The following POLH variants were observed in gnomAD, a reference collection of about 807,000 sequenced individuals.
The protein encoded by POLH is DNA polymerase eta, also known as DNA polymerase eta transcript.
A neutral mutation model predicts 73.6 loss-of-function variants in POLH; 53 were observed. The ratio of observed to expected loss-of-function variants is 0.72; its 90% CI spans 0.58 to 0.91. The LOEUF (loss-of-function observed/expected upper bound fraction) is 0.91, where lower values mean the gene tolerates loss of function less well. Among genes scored for constraint, POLH ranks in the 40% least tolerant of loss-of-function variants. POLH has a pLI of 0.00. For synonymous variants in POLH, 292 were observed against 308.5 expected (o/e 0.95, Z 0.56); for missense variants, 768 against 865.4 (o/e 0.89, Z 1.41).
chr6:43,590,535 C>T (rs1765344050), intron 4 of POLH, among the ~76,000 whole-genome samples: 1 of 151,040 alleles, frequency 6.6e-6, no homozygotes, highest in South Asian at 2.1e-4. Context: ...AATCTCGGCT[C>T]ATTGTAACCT....
At position 43,616,284 on chromosome 6, in the gene POLH, A is replaced by G. The variant is rs1012343159; in HGVS notation, c.*1727A>G. ...GACAGAGCGAGACTCCGTCTCAAAAAAAAAAAAAAAAGAAAAACTTCTCTT... is the reference window on the plus strand; with the variant it reads ...GACAGAGCGAGACTCCGTCTCAAAAGAAAAAAAAAAAGAAAAACTTCTCTT... On this transcript the variant is annotated 3_prime_UTR_variant, in exon 11 of 11. Coordinates refer to ENST00000372236, the MANE Select transcript of POLH (RefSeq NM_006502.3). Among the ~76,000 whole-genome samples, 3 of 151,336 alleles carry G rather than the reference A, an allele frequency of 2.0e-5. No individual in the cohort carries two copies. The highest frequency in any genetic ancestry group is 7.3e-5 in the African/African-American group (3 of 41,250).
At chr6:43,585,113 C>A (rs1764658375) in intron 3 of POLH, among the ~76,000 whole-genome samples, 1 of 152,114 alleles carries the variant, frequency 6.6e-6, no homozygotes, top group Non-Finnish European at 1.5e-5. Context: ...GAGTCATGAT[C>A]AAACCACTGC....
At chr6:43,604,777 A>G (rs953450892) in intron 8 of POLH, 39 bp downstream of exon 8, 6 of 1,612,500 alleles carry the variant, frequency 3.7e-6, no homozygotes, top group East Asian at 4.5e-5. Flanking sequence ...CCTCTTTTAA[A>G]GGGGTCAGTG....
chr6:43,587,600 A>G, intron 4 of POLH, 111 bp downstream of exon 4: 2 of 791,414 alleles, frequency 2.5e-6, no homozygotes, highest in Non-Finnish European at 4.4e-6. Flanking sequence ...TACAGCCTGA[A>G]TGAATCACAA....
chr6:43,581,214 C>T lies in POLH; in HGVS notation c.-4-1102C>T, dbSNP rs901633672. On this transcript the variant is annotated intron_variant, in intron 1 of 10. Coordinates refer to ENST00000372236, the MANE Select transcript of POLH (RefSeq NM_006502.3). ...GCAGAGACGCTCCTCACCTCCCAGA[C>T]GGGGTCTCGGCAGGGCAGAGGCGCT... 1.3e-4 allele frequency among the ~76,000 whole-genome samples: 19 copies of T among 149,954 alleles called. No homozygotes were observed. In the South Asian group the frequency reaches 2.8e-3, roughly 22 times the overall value.
rs555170382 is a variant in POLH, at chr6:43,619,685, A to T, written c.*5128A>T. Among the ~76,000 whole-genome samples, 2 of 152,320 alleles carry T rather than the reference A, an allele frequency of 1.3e-5. No homozygotes were observed. The highest frequency in any genetic ancestry group is 1.9e-4 in the East Asian group (1 of 5,194). The stretch of plus-strand genomic sequence containing the variant: ...TTAAGTACTGAAATGTGATTTTCCA[A>T]AATTTTCTTTACAATACAGGCAAAA... On this transcript the variant is annotated 3_prime_UTR_variant, in exon 11 of 11. Transcript: ENST00000372236.
chr6:43,580,864 C>A (rs1764043919), intron 1 of POLH, among the ~76,000 whole-genome samples: 1 of 149,696 alleles, frequency 6.7e-6, no homozygotes, highest in African/African-American at 2.5e-5. Flanking sequence ...CCTCACCTCC[C>A]AGACGGGGCG....
At chr6:43,587,519 T>C in intron 4 of POLH, 30 bp downstream of exon 4, 1 of 1,495,156 alleles carries the variant, frequency 6.7e-7, no homozygotes, top group Non-Finnish European at 9.3e-7. Context: ...CTGCTTCTGC[T>C]TCCTGCCTTT....
Position 43,613,982 on chromosome 6 carries a change from A to G in POLH, c.1567A>G (p.Ser523Gly). ...CAAGCCCTCATTACCTTTTCAAACC[A>G]GTCAAAGTACAGGAACTGAGCCCTT... ...PSKPSLPFQT[S>G]QSTGTEPFFK... The change falls in exon 11 of 11, where the codon AGT becomes GGT. Residue 523 changes from serine to glycine, a missense_variant. Ser to Gly is a moderately conservative substitution (Grantham distance 56, BLOSUM62 0). Coordinates refer to ENST00000372236, the MANE Select transcript of POLH (RefSeq NM_006502.3). 1 of 1,614,108 alleles carries G rather than the reference A, an allele frequency of 6.2e-7. No homozygotes were observed. Among genetic ancestry groups the G allele is most frequent in the Non-Finnish European group, 8.5e-7 (1 of 1,180,042 alleles).
chr6:43,594,818 T>C lies in POLH; in HGVS notation c.491-2878T>C, dbSNP rs9333530. ...GTCCAAAGTCACATGGTCAGTAGGT[T>C]ATGAAGCCAATATTTGAACCCTGCT... On this transcript the variant is annotated intron_variant, in intron 4 of 10. Coordinates refer to ENST00000372236, the MANE Select transcript of POLH (RefSeq NM_006502.3). Among the ~76,000 whole-genome samples the C allele has an allele frequency of 4.4e-3, 669 of 152,356 alleles. 17 individuals carry two copies. The highest frequency in any genetic ancestry group is 0.041 in the Admixed American group (634 of 15,294).
chr6:43,613,826 A>G lies in POLH; in HGVS notation c.1411A>G (p.Thr471Ala), dbSNP rs200223973. ...GACCCAGGGAAGTGGCCCAGCGGTG[A>G]CAGCCACTAAGAAAGCAACCACGTC... ...AKTQGSGPAV[T>A]ATKKATTSLE... The change falls in exon 11 of 11, where the codon ACA (threonine) becomes GCA (alanine). Residue 471 changes from threonine (T) to alanine (A), a missense_variant. Coordinates refer to ENST00000372236, the MANE Select transcript of POLH (RefSeq NM_006502.3). 1.2e-6 allele frequency: 2 copies of G among 1,613,508 alleles called. No homozygotes were observed. The highest frequency in any genetic ancestry group is 8.5e-7 in the Non-Finnish European group (1 of 1,179,988).
intron 5 of POLH, among the ~76,000 whole-genome samples, chr6:43,600,600 G>A (rs1466909667): frequency 6.6e-6 from 1 of 152,170 alleles, no homozygotes; most frequent in Non-Finnish European, 1.5e-5. Context: ...ATGTAAATGG[G>A]ATAGGGTAAA....
chr6:43,580,842 G>A (rs1305392394), intron 1 of POLH, among the ~76,000 whole-genome samples: 2 of 146,344 alleles, frequency 1.4e-5, no homozygotes, highest in African/African-American at 2.5e-5. Context: ...GGGGCGGCCG[G>A]GCAGAGGCGC....
intron 5 of POLH, among the ~76,000 whole-genome samples, chr6:43,600,245 C>T (rs2127798836): frequency 6.6e-6 from 1 of 152,016 alleles, no homozygotes; most frequent in Non-Finnish European, 1.5e-5. Context: ...TGGTGAAACC[C>T]CGTATCTACC....
In POLH at chr6:43,618,038, G is replaced by A. The variant is rs1415572338; in HGVS notation, c.*3481G>A. Among the ~76,000 whole-genome samples, 1 of 152,240 alleles carries A rather than the reference G, an allele frequency of 6.6e-6. No homozygotes were observed. Among genetic ancestry groups the A allele is most frequent in the Non-Finnish European group, 1.5e-5 (1 of 68,046 alleles). On this transcript the variant is annotated 3_prime_UTR_variant, in exon 11 of 11. Coordinates refer to ENST00000372236, the MANE Select transcript of POLH (RefSeq NM_006502.3). ...CCTTAAGTACAAATTTAAGAGGTAA[G>A]TGCTTCAGCCATTAGGGTTACTGGC... is the stretch of plus-strand genomic sequence containing the variant.
At chr6:43,594,897 G>T (rs1485596630) in intron 4 of POLH, among the ~76,000 whole-genome samples, 1 of 150,816 alleles carries the variant, frequency 6.6e-6, no homozygotes, top group Non-Finnish European at 1.5e-5. Context: ...GGCCATACAT[G>T]GTGGTTTACA....
chr6:43,589,387 C>T (rs1765197801), intron 4 of POLH, among the ~76,000 whole-genome samples: 1 of 152,156 alleles, frequency 6.6e-6, no homozygotes. Flanking sequence ...TCAACAACAA[C>T]TGGTATCATC....
intron 3 of POLH, among the ~76,000 whole-genome samples, chr6:43,585,463 G>C (rs572861366): frequency 3.3e-5 from 5 of 152,190 alleles, no homozygotes; most frequent in Admixed American, 3.3e-4. Flanking sequence ...TTGGTGACCT[G>C]CCCTATCCTG....
At chr6:43,579,106 C>G (rs1218601618) in intron 1 of POLH, among the ~76,000 whole-genome samples, 1 of 152,170 alleles carries the variant, frequency 6.6e-6, no homozygotes, top group African/African-American at 2.4e-5. Context: ...CATAACTCCC[C>G]TAGCTTTCGT....
Sources: allele counts gnomAD v4.1 joint callset (sites outside exome capture counted in the v4.1 genomes callset), GRCh38; gene constraint gnomAD v4.1.1; transcripts MANE v1.5; gene names NCBI Gene and HGNC (gene_info 2026-07-23, HGNC 2026-07-21).